Variants in LTBP1 observed in about 807,000 individuals in gnomAD.
LTBP1 encodes the protein latent-transforming growth factor beta-binding protein 1.
A neutral mutation model predicts 207.6 loss-of-function variants in LTBP1; 129 were observed. That is an observed-to-expected ratio of 0.62 (90% CI 0.54 to 0.72). The LOEUF is 0.72. Among genes scored for constraint, LTBP1 ranks in the 30% least tolerant of loss-of-function variants. The pLI is 0.00. For synonymous variants in LTBP1, 963 were observed against 833.7 expected, an observed-to-expected ratio of 1.16 and a Z score of -2.67; for missense variants, 2,281 against 2,217.2, an observed-to-expected ratio of 1.03 and a Z score of -0.58.
chr2:32,949,159 T>G (rs1676732594), intron 2 of LTBP1, among the ~76,000 whole-genome samples: 1 of 152,338 alleles, frequency 6.6e-6, no homozygotes, highest in Admixed American at 6.5e-5. Flanking sequence ...AACCGTGCTG[T>G]GCATCCAAGA....
chr2:33,039,229 A>T (rs1238006363), intron 3 of LTBP1, among the ~76,000 whole-genome samples: 1 of 151,996 alleles, frequency 6.6e-6, no homozygotes, highest in Admixed American at 6.6e-5. Context: ...GAGTAAATGG[A>T]TAGTAATTTA....
chr2:33,231,669 A>AC (rs1244404649), intron 9 of LTBP1, among the ~76,000 whole-genome samples: 1 of 152,056 alleles, frequency 6.6e-6, no homozygotes, highest in Non-Finnish European at 1.5e-5. Flanking sequence ...TGCAGGTGAG[A>AC]CCCCCAAGAA....
chr2:33,144,348 C>T (rs574553095), intron 5 of LTBP1, among the ~76,000 whole-genome samples: 2 of 152,272 alleles, frequency 1.3e-5, no homozygotes, highest in Admixed American at 6.5e-5. Context: ...TAATATCAGG[C>T]TTCAATATCA....
intron 9 of LTBP1, among the ~76,000 whole-genome samples, chr2:33,224,309 T>C (rs1573283646): frequency 6.6e-6 from 1 of 152,292 alleles, no homozygotes; most frequent in East Asian, 1.9e-4. Flanking sequence ...TCCTTATTTA[T>C]CCTTCACTAA....
In LTBP1 at chr2:33,138,848, C is replaced by CTTTTTT. The variant is rs71409603; in HGVS notation, c.1201+3911_1201+3916dup. Among the ~76,000 whole-genome samples the CTTTTTT allele has an allele frequency of 1.9e-4, 15 of 77,670 alleles. 1 individual carries two copies. Among genetic ancestry groups the CTTTTTT allele is most frequent in the Non-Finnish European group, 2.3e-4 (10 of 42,756 alleles). The allele number at this position is 77,670 out of a possible 152,430, so 51.0% of individuals were successfully genotyped here. A position where few individuals can be genotyped will look rare whatever the true frequency, so the allele number is the denominator to read the frequency against. Reference sequence around the variant, plus strand: ...TTGGACCATTTAAAAAGTATGTTCTCTTTTTTTTTTTTTTTTTTTTTTTTT... The same window carrying CTTTTTT: ...TTGGACCATTTAAAAAGTATGTTCTCTTTTTTTTTTTTTTTTTTTTTTTTTTTTTTT... On this transcript the variant is annotated intron_variant, in intron 5 of 33. Transcript: ENST00000404816.
At position 33,278,150 on chromosome 2, in the gene LTBP1, T is replaced by G. The variant is rs1326564678; in HGVS notation, c.2993-1889T>G. Reference sequence around the variant, plus strand: ...CCCGGCCCAAATACTGATTCTTAAGTTCTACACACGGGTCAAGAATGGAAA... The same window carrying G: ...CCCGGCCCAAATACTGATTCTTAAGGTCTACACACGGGTCAAGAATGGAAA... On this transcript the variant is annotated intron_variant, in intron 18 of 33. Transcript: ENST00000404816. Among the ~76,000 whole-genome samples, 36 of 151,644 alleles carry G rather than the reference T, an allele frequency of 2.4e-4. 1 individual carries two copies. Among genetic ancestry groups the G allele is most frequent in the Admixed American group, 2.1e-3 (32 of 15,202 alleles).
At chr2:33,126,279 G>A (rs909653048) in intron 4 of LTBP1, among the ~76,000 whole-genome samples, 1 of 152,048 alleles carries the variant, frequency 6.6e-6, no homozygotes, top group African/African-American at 2.4e-5. Flanking sequence ...ATATTGCCAG[G>A]GTTAGTCTCG....
chr2:33,331,364 C>A (rs1230962424), intron 24 of LTBP1, among the ~76,000 whole-genome samples: 1 of 151,652 alleles, frequency 6.6e-6, no homozygotes, highest in African/African-American at 2.4e-5. Flanking sequence ...GTATATATTT[C>A]TTTCTAAGAA....
At chr2:33,137,410 T>C (rs1317541427) in intron 5 of LTBP1, among the ~76,000 whole-genome samples, 2 of 152,202 alleles carry the variant, frequency 1.3e-5, no homozygotes, top group Non-Finnish European at 2.9e-5. Flanking sequence ...CAAACTCTTT[T>C]TGTAAAGGGC....
At chr2:33,072,088 AC>A (rs75068872) in intron 3 of LTBP1, among the ~76,000 whole-genome samples, 1 of 152,176 alleles carries the variant, frequency 6.6e-6, no homozygotes, top group East Asian at 1.9e-4. Flanking sequence ...CTTCTGACCA[AC>A]CAGTGTCAAG....
At chr2:33,313,229 A>G (rs1049894440) in intron 23 of LTBP1, among the ~76,000 whole-genome samples, 5 of 152,256 alleles carry the variant, frequency 3.3e-5, no homozygotes, top group Admixed American at 6.5e-5. Flanking sequence ...TTAAGAAAGT[A>G]TGAGTAATTC....
intron 5 of LTBP1, among the ~76,000 whole-genome samples, chr2:33,147,438 A>G (rs62133340): frequency 0.23 from 34,603 of 152,100 alleles, 4,676 homozygotes; most frequent in Non-Finnish European, 0.31. Flanking sequence ...CCACCTGTGG[A>G]TCACTCTGTG....
chr2:32,972,593 C>G (rs1681072624), intron 2 of LTBP1, among the ~76,000 whole-genome samples: 1 of 152,096 alleles, frequency 6.6e-6, no homozygotes. Context: ...TGGTTTAGCT[C>G]TGTGTCCTCA....
intron 5 of LTBP1, among the ~76,000 whole-genome samples, chr2:33,176,730 T>A (rs62146679): frequency 0.51 from 77,986 of 151,920 alleles, 20,227 homozygotes; most frequent in Non-Finnish European, 0.52. Flanking sequence ...ATGAGCAGGC[T>A]TGAGCCACTG....
chr2:33,321,380 G>A (rs1448790891), intron 24 of LTBP1, among the ~76,000 whole-genome samples: 1 of 152,204 alleles, frequency 6.6e-6, no homozygotes, highest in East Asian at 1.9e-4. Context: ...TGTACTGAAA[G>A]TAGTGATATC....
intron 24 of LTBP1, among the ~76,000 whole-genome samples, chr2:33,334,062 A>G (rs2094527035): frequency 6.6e-6 from 1 of 152,242 alleles, no homozygotes; most frequent in South Asian, 2.1e-4. Context: ...TACTAAGAGG[A>G]CAAGAAGAAT....
chr2:33,380,269 C>T (rs915672098), intron 31 of LTBP1, among the ~76,000 whole-genome samples: 1 of 152,026 alleles, frequency 6.6e-6, no homozygotes, highest in Non-Finnish European at 1.5e-5. Context: ...AGTTTTGCAG[C>T]CCATGATAAG....
intron 24 of LTBP1, among the ~76,000 whole-genome samples, chr2:33,331,945 TATTA>T (rs2094498782): frequency 6.6e-6 from 1 of 152,176 alleles, no homozygotes; most frequent in African/African-American, 2.4e-5. Context: ...ATGTGTATAC[TATTA>T]ATTAATAATT....
At chr2:32,986,417 A>G (rs137888104) in intron 2 of LTBP1, among the ~76,000 whole-genome samples, 54 of 152,308 alleles carry the variant, frequency 3.5e-4, no homozygotes, top group Admixed American at 5.9e-4. Context: ...TAAATAAAAG[A>G]GGTTGTTTAT....
Sources: allele counts gnomAD v4.1 joint callset (sites outside exome capture counted in the v4.1 genomes callset), GRCh38; gene constraint gnomAD v4.1.1; transcripts MANE v1.5; gene names NCBI Gene and HGNC (gene_info 2026-07-23, HGNC 2026-07-21).